The following ZNF419 variants were observed in gnomAD, a reference collection of about 807,000 sequenced individuals.
ZNF419 encodes zinc finger protein 419.
Under a neutral mutation model 14.9 loss-of-function variants are expected in ZNF419, and 8 were observed. The observed-to-expected ratio is 0.54, with a 90% CI of 0.32 to 0.97. The LOEUF (loss-of-function observed/expected upper bound fraction) is 0.97, where lower values mean the gene tolerates loss of function less well. ZNF419 is among the 50% of genes least tolerant of loss of function. The pLI, the probability that ZNF419 is intolerant of heterozygous loss-of-function variation, is 0.04. For missense variants in ZNF419, 595 were observed against 607.2 expected, an observed-to-expected ratio of 0.98 and a Z score of 0.21; for synonymous variants, 211 against 205.3, an observed-to-expected ratio of 1.03 and a Z score of -0.24.
chr19:57,494,716 C>A lies in ZNF419; in HGVS notation c.*626C>A. On this transcript the variant is annotated 3_prime_UTR_variant, in exon 5 of 5. Coordinates refer to ENST00000221735, the MANE Select transcript of ZNF419 (RefSeq NM_024691.4). ...GAATTGTGTTTTTATAATTTTCACC[C>A]TTTTGGCTGTGTAACAGGTCTGCAA... The A allele has an allele frequency of 5.6e-6, 1 of 177,490 alleles. No homozygotes were observed. The highest frequency in any genetic ancestry group is 1.7e-4 in the South Asian group (1 of 5,864). The allele number at this position is 177,490 out of a possible 1,614,324, so 11.0% of individuals were successfully genotyped here.
rs1305217577 is a variant in ZNF419, at chr19:57,494,024, G to A, written c.1467G>A (p.Gly489=). ...AGCCTTATGAGTGCAGGGAATGTGG[G>A]AAGTTTTTTCGCCACAACTCCAGTC... is the stretch of plus-strand genomic sequence containing the variant. The part of the protein sequence containing the change: ...GAKPYECREC[G]KFFRHNSSLF... The change falls in exon 5 of 5, where the codon GGG becomes GGA. Residue 489 remains glycine, a synonymous_variant. Transcript: ENST00000221735. 1.1e-5 allele frequency: 17 copies of A among 1,613,192 alleles called. No homozygotes were observed. Among genetic ancestry groups the A allele is most frequent in the African/African-American group, 2.7e-5 (2 of 74,884 alleles).
rs533657559 is a variant in ZNF419 at position 57,491,679 on chromosome 19, C to T, written c.199+82C>T. 23 of 1,604,858 alleles carry T rather than the reference C, an allele frequency of 1.4e-5. 1 individual carries two copies. The Middle Eastern group carries it at 5.0e-4, about 35-fold the overall frequency. ...TTCCTAGGGAGAGGTCTGTTCTTCC[C>T]AAAGCTGAACTGTGGGCACTCATTC... On this transcript the variant is annotated intron_variant, in intron 3 of 4. Transcript: ENST00000221735.
In ZNF419 at chr19:57,492,926, C is replaced by T. The variant is rs758578726; in HGVS notation, c.369C>T (p.Asn123=). Residue 123 remains asparagine, a synonymous_variant, in exon 5 of 5, where the codon AAC becomes AAT. Transcript: ENST00000221735. ...CTTCTGTAGGACTGCTCAGTTCAAA[C>T]ATTCAGCAACACCAGAAGCAGCACT... is the stretch of plus-strand genomic sequence containing the variant. ...QIASVGLLSS[N]IQQHQKQHCG... 1.2e-6 allele frequency: 2 copies of T among 1,614,084 alleles called. No homozygotes were observed. The highest frequency in any genetic ancestry group is 1.3e-5 in the African/African-American group (1 of 74,940).
chr19:57,491,582 C>T lies in ZNF419; in HGVS notation c.184C>T (p.Leu62Phe), dbSNP rs778973586. The change falls in exon 3 of 5, where the codon CTT becomes TTT. Residue 62 changes from leucine (L) to phenylalanine (F), a missense_variant. Coordinates refer to ENST00000221735, the MANE Select transcript of ZNF419 (RefSeq NM_024691.4). ...CAATGTGATGCTGGAGAACTTTACA[C>T]TTCTGGCCTCTCTGGGTAAGGTTCT... ...YRNVMLENFT[L>F]LASLGLASSK... The T allele has an allele frequency of 5.6e-6, 9 of 1,613,998 alleles. No individual in the cohort carries two copies. Among genetic ancestry groups the T allele is most frequent in the Middle Eastern group, 1.6e-4 (1 of 6,084 alleles).
Position 57,494,627 on chromosome 19 carries a change from A to C in ZNF419, c.*537A>C, listed in dbSNP as rs1336124165. 6.2e-6 allele frequency: 1 copy of C among 162,584 alleles called. No homozygotes were observed. The highest frequency in any genetic ancestry group is 1.8e-4 in the East Asian group (1 of 5,586). The allele number at this position is 162,584 out of a possible 1,614,324, so 10.1% of individuals were successfully genotyped here. On this transcript the variant is annotated 3_prime_UTR_variant, in exon 5 of 5. Coordinates refer to ENST00000221735, the MANE Select transcript of ZNF419 (RefSeq NM_024691.4). ...GTGACTCACTTTTGCTGTTCTTGTG[A>C]ATGTTAGATCTTCTTTAATAAATAT...
Position 57,493,718 on chromosome 19 carries a change from G to A in ZNF419, c.1161G>A (p.Met387Ile). The A allele has an allele frequency of 1.2e-6, 2 of 1,613,306 alleles. No individual in the cohort carries two copies. The highest frequency in any genetic ancestry group is 1.7e-6 in the Non-Finnish European group (2 of 1,179,776). The change falls in exon 5 of 5, where the codon ATG becomes ATA. Residue 387 changes from methionine (M) to isoleucine (I), a missense_variant. Coordinates refer to ENST00000221735, the MANE Select transcript of ZNF419 (RefSeq NM_024691.4). ...GKFFTQCSSL[M>I]QHQKVHTGEK... ...TTTTTACCCAATGCTCAAGCCTCAT[G>A]CAACATCAAAAAGTTCACACTGGAG...
At chr19:57,492,493 G>C (rs1045017105) in intron 4 of ZNF419, 1 of 765,628 alleles carries the variant, frequency 1.3e-6, no homozygotes, top group Admixed American at 1.7e-5. Context: ...TTGAGCATCA[G>C]CTATTTGGTT....
intron 4 of ZNF419, 161 bp from the exon 5 acceptor site, chr19:57,492,695 C>G (rs776486865): frequency 3.0e-6 from 3 of 1,000,290 alleles, no homozygotes; most frequent in East Asian, 4.8e-5. Flanking sequence ...TGGCCAGATT[C>G]AGCACTGCAC....
At position 57,490,401 on chromosome 19, in the gene ZNF419, C is replaced by A. The variant is rs1198177492; in HGVS notation, c.72+216C>A. On this transcript the variant is annotated intron_variant, in intron 2 of 4. Transcript: ENST00000221735. ...CAGAGTTTTGCTCTTGTTGCCCAGG[C>A]TGGAGTGCAAAGGCGCGATCTCGGC... 4.5e-5 allele frequency: 16 copies of A among 353,224 alleles called. No homozygotes were observed. In the Admixed American group the frequency reaches 7.3e-4, roughly 16 times the overall value. 21.9% of individuals were successfully genotyped at this position (353,224 alleles called of 1,614,324 possible). A position where few individuals can be genotyped will look rare whatever the true frequency, so the allele number is the denominator to read the frequency against.
At chr19:57,491,367 A>G in intron 2 of ZNF419, 104 bp from the exon 3 acceptor site, 1 of 1,541,932 alleles carries the variant, frequency 6.5e-7, no homozygotes, top group African/African-American at 1.4e-5. Flanking sequence ...CTCCTCTGAG[A>G]TGGGGATTAA....
Position 57,492,171 on chromosome 19 carries a change from C to A in ZNF419, c.258C>A (p.Phe86Leu). ...ITQLESWEEP[F>L]MPAWEVVTSA... ...AGCTGGAGTCATGGGAGGAGCCCTT[C>A]ATGCCTGCTTGGGAAGTTGTGACTT... The change falls in exon 4 of 5, where the codon TTC becomes TTA. Residue 86 changes from phenylalanine to leucine, a missense_variant. By Grantham distance (22) the Phe-to-Leu change is conservative. Coordinates refer to ENST00000221735, the MANE Select transcript of ZNF419 (RefSeq NM_024691.4). 2 of 1,613,912 alleles carry A rather than the reference C, an allele frequency of 1.2e-6. No homozygotes were observed. The highest frequency in any genetic ancestry group is 1.7e-6 in the Non-Finnish European group (2 of 1,179,974).
chr19:57,495,162 C>T lies in ZNF419; in HGVS notation c.*1072C>T, dbSNP rs562726330. ...TCTCATGGTCCATGGCTTTTGTTTT[C>T]TTTTCTTTTTTAAAATTTAGAGATG... On this transcript the variant is annotated 3_prime_UTR_variant, in exon 5 of 5. Transcript: ENST00000221735. 2.0e-5 allele frequency: 3 copies of T among 152,134 alleles called. No homozygotes were observed. In the East Asian group the frequency reaches 5.8e-4, roughly 29 times the overall value. 9.4% of individuals were successfully genotyped at this position (152,134 alleles called of 1,614,324 possible).
At position 57,491,452 on chromosome 19, in the gene ZNF419, A is replaced by G; in HGVS notation, c.73-19A>G. On this transcript the variant is annotated intron_variant, in intron 2 of 4. Transcript: ENST00000221735. Reference sequence around the variant, plus strand: ...AGTAAGGAGGCTGCAGATAAACTCTACTCTGTCCATCTTAGCAGGGCTATG... The same window carrying G: ...AGTAAGGAGGCTGCAGATAAACTCTGCTCTGTCCATCTTAGCAGGGCTATG... 3.7e-6 allele frequency: 6 copies of G among 1,612,502 alleles called. No homozygotes were observed. In the South Asian group the frequency reaches 4.4e-5, roughly 12 times the overall value.
chr19:57,495,674 C>G lies in ZNF419; in HGVS notation c.*1584C>G, dbSNP rs934811470. 2 of 127,532 alleles carry G rather than the reference C, an allele frequency of 1.6e-5. No homozygotes were observed. The highest frequency in any genetic ancestry group is 3.0e-5 in the African/African-American group (1 of 33,304). The allele number at this position is 127,532 out of a possible 1,614,324, so 7.9% of individuals were successfully genotyped here. The stretch of plus-strand genomic sequence containing the variant: ...CCGGGAGGCGGAGCTTGCAGTGAGC[C>G]GAGATTGCGCCACTGCACTCCAGCC... On this transcript the variant is annotated 3_prime_UTR_variant, in exon 5 of 5. Coordinates refer to ENST00000221735, the MANE Select transcript of ZNF419 (RefSeq NM_024691.4).
chr19:57,489,918 C>T (rs1486063806), intron 1 of ZNF419: 8 of 540,298 alleles, frequency 1.5e-5, no homozygotes, highest in Admixed American at 9.5e-5. Flanking sequence ...TACAAACAAT[C>T]GTCCTATTGA....
At chr19:57,490,222 A>C in intron 2 of ZNF419, 37 bp downstream of exon 2, 1 of 1,597,170 alleles carries the variant, frequency 6.3e-7, no homozygotes, top group Non-Finnish European at 8.6e-7. Context: ...ACACTCCTGC[A>C]CTCCTACCTA....
chr19:57,489,899 T>C, intron 1 of ZNF419: 1 of 511,374 alleles, frequency 2.0e-6, no homozygotes, highest in Non-Finnish European at 3.5e-6. Flanking sequence ...CACATAAGAA[T>C]GAGTTTGATA....
chr19:57,493,231 A>G lies in ZNF419; in HGVS notation c.674A>G (p.His225Arg), dbSNP rs767695340. Residue 225 changes from histidine to arginine, a missense_variant, in exon 5 of 5, where the codon CAT becomes CGT. His to Arg is a conservative substitution (Grantham distance 29, BLOSUM62 0). Transcript: ENST00000221735. The stretch of plus-strand genomic sequence containing the variant: ...TTACTTGTTCAGCACCAGAGACTAC[A>G]TGCTGGGAAAAAGACGTATGAATGC... Reference protein sequence around the residue: ...KYLLVQHQRLHAGKKTYECSE... With the variant: ...KYLLVQHQRLRAGKKTYECSE... The G allele has an allele frequency of 1.9e-6, 3 of 1,614,118 alleles. No individual in the cohort carries two copies. Among genetic ancestry groups the G allele is most frequent in the Non-Finnish European group, 2.5e-6 (3 of 1,180,032 alleles).
In ZNF419 at chr19:57,493,126, C is replaced by A. The variant is rs1473004582; in HGVS notation, c.569C>A (p.Ser190Tyr). Residue 190 changes from serine to tyrosine, a missense_variant, in exon 5 of 5, where the codon TCC (serine) becomes TAC (tyrosine). Physicochemically the swap from Ser to Tyr is moderately radical, Grantham distance 144. Transcript: ENST00000221735. ...ACAGGAGAGAAGTCACATAGGAGCTCCAAAAGTAGGGAGGCCTTTCATGCT... is the reference window on the plus strand; with the variant it reads ...ACAGGAGAGAAGTCACATAGGAGCTACAAAAGTAGGGAGGCCTTTCATGCT... The part of the protein sequence containing the change: ...THTGEKSHRS[S>Y]KSREAFHAGK... The A allele has an allele frequency of 6.2e-7, 1 of 1,614,106 alleles. No individual in the cohort carries two copies. The highest frequency in any genetic ancestry group is 8.5e-7 in the Non-Finnish European group (1 of 1,180,008).
Sources: gnomAD v4.1 joint callset for allele counts on GRCh38, gnomAD v4.1.1 for gene constraint, MANE v1.5 for transcripts, NCBI Gene and HGNC (gene_info 2026-07-23, HGNC 2026-07-21) for gene names.